Variants in CBFA2T2 observed in about 807,000 individuals in gnomAD.
CBFA2T2 encodes CBFA2/RUNX1 partner transcriptional co-repressor 2.
CBFA2T2 carries 11 observed loss-of-function variants against 62.2 expected under a neutral mutation model. That is an observed-to-expected ratio of 0.18 (90% confidence interval 0.11 to 0.29). The LOEUF is 0.29. Among genes scored for constraint, CBFA2T2 ranks in the 10% least tolerant of loss-of-function variants. The pLI is 1.00. For synonymous variants in CBFA2T2, 295 were observed against 287.5 expected, an observed-to-expected ratio of 1.03 and a Z score of -0.27; for missense variants, 592 against 774.1, an observed-to-expected ratio of 0.76 and a Z score of 2.79.
intron 1 of CBFA2T2, among the ~76,000 whole-genome samples, chr20:33,494,243 G>GTATATATATATATATATATA (rs869164142): frequency 3.3e-5 from 1 of 30,322 alleles, no homozygotes; most frequent in South Asian, 3.1e-3. Flanking sequence ...ATATATATGT[G>GTATATATATATATATATATA]TATATATATA....
At chr20:33,556,462 C>G (rs2012899650) in intron 1 of CBFA2T2, among the ~76,000 whole-genome samples, 1 of 152,162 alleles carries the variant, frequency 6.6e-6, no homozygotes, top group Non-Finnish European at 1.5e-5. Flanking sequence ...GGTTACTCCA[C>G]TGCAAAAATT....
intron 9 of CBFA2T2, among the ~76,000 whole-genome samples, chr20:33,637,198 G>C (rs191691835): frequency 6.6e-6 from 1 of 152,204 alleles, no homozygotes; most frequent in Non-Finnish European, 1.5e-5. Context: ...ATAAAGGAGG[G>C]TGGGGACTGC....
At chr20:33,581,177 C>T (rs992804205) in intron 1 of CBFA2T2, among the ~76,000 whole-genome samples, 3 of 152,034 alleles carry the variant, frequency 2.0e-5, no homozygotes, top group Non-Finnish European at 2.9e-5. Context: ...GATTCTCCTG[C>T]CTCAGCCTCC....
At chr20:33,572,951 G>A (rs1376365153) in intron 1 of CBFA2T2, among the ~76,000 whole-genome samples, 1 of 152,234 alleles carries the variant, frequency 6.6e-6, no homozygotes, top group Non-Finnish European at 1.5e-5. Context: ...CTTTATGGCA[G>A]TGAATATAGT....
intron 1 of CBFA2T2, among the ~76,000 whole-genome samples, chr20:33,501,766 A>G (rs2011287186): frequency 6.8e-6 from 1 of 146,318 alleles, no homozygotes; most frequent in Non-Finnish European, 1.5e-5. Flanking sequence ...CAGCCTCCTG[A>G]GTACCTGGGA....
At chr20:33,510,167 T>TGC (rs1035779200) in intron 1 of CBFA2T2, among the ~76,000 whole-genome samples, 26 of 152,102 alleles carry the variant, frequency 1.7e-4, no homozygotes, top group African/African-American at 6.0e-4. Flanking sequence ...TTTTTATGGC[T>TGC]GCATAGTATT....
At chr20:33,537,350 G>A (rs1023125121) in intron 1 of CBFA2T2, among the ~76,000 whole-genome samples, 1 of 152,234 alleles carries the variant, frequency 6.6e-6, no homozygotes, top group Non-Finnish European at 1.5e-5. Flanking sequence ...AGTCAGGCGT[G>A]GCAGCGCGCG....
intron 6 of CBFA2T2, among the ~76,000 whole-genome samples, chr20:33,628,140 T>C (rs969318208): frequency 6.6e-6 from 1 of 152,278 alleles, no homozygotes; most frequent in Admixed American, 6.5e-5. Flanking sequence ...TTTCGTGTTT[T>C]ACAATTGATT....
chr20:33,614,347 C>T (rs2015629447), intron 3 of CBFA2T2, among the ~76,000 whole-genome samples: 1 of 152,022 alleles, frequency 6.6e-6, no homozygotes, highest in South Asian at 2.1e-4. Flanking sequence ...TCCCTGTTTG[C>T]CATTGTGTAT....
intron 1 of CBFA2T2, among the ~76,000 whole-genome samples, chr20:33,514,182 C>T (rs1414027442): frequency 3.0e-5 from 4 of 133,028 alleles, no homozygotes; most frequent in Non-Finnish European, 4.7e-5. Context: ...AGATTACAGG[C>T]GTGAGCCACC....
At chr20:33,555,216 A>C (rs563579138) in intron 1 of CBFA2T2, among the ~76,000 whole-genome samples, 13 of 152,142 alleles carry the variant, frequency 8.5e-5, no homozygotes, top group Non-Finnish European at 1.9e-4. Context: ...ATTGGGCTTC[A>C]GTTTGCTTAC....
At chr20:33,581,027 C>T (rs996808727) in intron 1 of CBFA2T2, among the ~76,000 whole-genome samples, 7 of 151,904 alleles carry the variant, frequency 4.6e-5, no homozygotes, top group Non-Finnish European at 8.8e-5. Flanking sequence ...CCCTCCCCTC[C>T]CCGTCCTGTC....
chr20:33,618,234 C>T (rs1029153383), intron 3 of CBFA2T2, among the ~76,000 whole-genome samples: 1 of 148,842 alleles, frequency 6.7e-6, no homozygotes, highest in African/African-American at 2.5e-5. Flanking sequence ...TTGCATGTTA[C>T]ATACTATGTT....
chr20:33,593,242 G>T (rs2014737799), intron 1 of CBFA2T2, among the ~76,000 whole-genome samples: 1 of 152,040 alleles, frequency 6.6e-6, no homozygotes, highest in African/African-American at 2.4e-5. Flanking sequence ...TGAGGCAGGA[G>T]AATTGCTTGA....
At chr20:33,528,143 T>C (rs2011940432) in intron 1 of CBFA2T2, among the ~76,000 whole-genome samples, 1 of 152,206 alleles carries the variant, frequency 6.6e-6, no homozygotes, top group Admixed American at 6.5e-5. Context: ...TAACTGGGAT[T>C]ACAGGCTCTT....
At chr20:33,590,581 T>TGG (rs2014575692) in intron 1 of CBFA2T2, among the ~76,000 whole-genome samples, 1 of 152,210 alleles carries the variant, frequency 6.6e-6, no homozygotes, top group African/African-American at 2.4e-5. Context: ...CAAGATCTTC[T>TGG]CATTTATCTG....
intron 8 of CBFA2T2, among the ~76,000 whole-genome samples, chr20:33,632,102 ATG>A (rs2122362211): frequency 6.6e-6 from 1 of 152,000 alleles, no homozygotes; most frequent in Non-Finnish European, 1.5e-5. Context: ...CCAGGCTGGA[ATG>A]CAGTGCACAT....
chr20:33,632,243 CATG>C (rs1465663380), intron 8 of CBFA2T2, among the ~76,000 whole-genome samples: 1 of 151,918 alleles, frequency 6.6e-6, no homozygotes, highest in African/African-American at 2.4e-5. Context: ...GGGGTTTCAC[CATG>C]TTGGCCAGGC....
intron 9 of CBFA2T2, 41 bp downstream of exon 9, chr20:33,636,749 T>C (rs1568870456): frequency 6.9e-7 from 1 of 1,445,902 alleles, no homozygotes; most frequent in East Asian, 2.3e-5. Context: ...TACTCACTAA[T>C]TTGTGGGAGC....
Sources: gnomAD v4.1 joint callset for allele counts (sites outside exome capture counted in the v4.1 genomes callset) on GRCh38, gnomAD v4.1.1 for gene constraint, MANE v1.5 for transcripts, NCBI Gene and HGNC (gene_info 2026-07-23, HGNC 2026-07-21) for gene names.